VIPR2: variants seen among roughly 807,000 people sequenced by gnomAD.
VIPR2 encodes the protein vasoactive intestinal polypeptide receptor 2.
In VIPR2, 48 loss-of-function variants were observed where a neutral mutation model predicts 58.0. The ratio of observed to expected loss-of-function variants is 0.83; its 90% CI spans 0.66 to 1.05. The LOEUF (loss-of-function observed/expected upper bound fraction) is 1.05. Among genes scored for constraint, VIPR2 ranks in the 50% least tolerant of loss-of-function variants. The probability of loss-of-function intolerance (pLI) is 0.00; values close to 1 mark genes in which losing one functional copy is unlikely to be tolerated. For synonymous variants in VIPR2, 243 were observed against 235.2 expected (o/e 1.03, Z -0.30); for missense variants, 534 against 558.0 (o/e 0.96, Z 0.43).
chr7:159,075,609 C>T (rs1270607139), intron 4 of VIPR2, among the ~76,000 whole-genome samples: 2 of 151,814 alleles, frequency 1.3e-5, no homozygotes, highest in African/African-American at 4.8e-5. Context: ...AGGGCTGGCA[C>T]CCACGGACCT....
intron 5 of VIPR2, among the ~76,000 whole-genome samples, chr7:159,057,575 T>C (rs1855395160): frequency 6.6e-6 from 1 of 152,218 alleles, no homozygotes; most frequent in Admixed American, 6.5e-5. Flanking sequence ...TATCATTGAT[T>C]TTTATCTGAC....
chr7:159,106,705 C>CAGAG (rs199836579), intron 3 of VIPR2, among the ~76,000 whole-genome samples: 2 of 67,278 alleles, frequency 3.0e-5, no homozygotes, highest in Non-Finnish European at 5.6e-5. Context: ...CAGGGAGGGG[C>CAGAG]AGAGAGGCCA....
chr7:159,069,900 C>T (rs371877948), intron 4 of VIPR2, among the ~76,000 whole-genome samples: 98 of 152,280 alleles, frequency 6.4e-4, no homozygotes, highest in Middle Eastern at 3.4e-3. Flanking sequence ...ATTTTACTGT[C>T]TGTCGTTGGC....
intron 5 of VIPR2, among the ~76,000 whole-genome samples, chr7:159,050,355 AAAAAAAAAAAC>A (rs1854918595): frequency 3.5e-4 from 3 of 8,530 alleles, no homozygotes; most frequent in Non-Finnish European, 2.1e-3. Flanking sequence ...ACAAAAAAAC[AAAAAAAAAAAC>A]AAAAAAAAAC....
At chr7:159,067,776 G>C (rs1216178346) in intron 4 of VIPR2, among the ~76,000 whole-genome samples, 1 of 152,232 alleles carries the variant, frequency 6.6e-6, no homozygotes, top group African/African-American at 2.4e-5. Context: ...AGACCTTCAA[G>C]TTCTTTCCCC....
At position 159,031,785 on chromosome 7, in the gene VIPR2, A is replaced by G. The variant is rs778349292; in HGVS notation, c.1143+43T>C. 4 of 1,613,540 alleles carry G rather than the reference A, an allele frequency of 2.5e-6. No homozygotes were observed. The highest frequency in any genetic ancestry group is 1.7e-6 in the Non-Finnish European group (2 of 1,179,962). ...CAGGCTGGGCAGCATCTCAGGAAGC[A>G]AGTGAGTACCTGTGCTTGGTTCCAA... On this transcript the variant is annotated intron_variant, in intron 12 of 12. Coordinates refer to ENST00000262178, the MANE Select transcript of VIPR2 (RefSeq NM_003382.5). The surrounding 1 kb of genome is among the most constrained non-coding windows in gnomAD (Gnocchi z 4.0).
rs372032998 is a variant in VIPR2 at position 159,089,750 on chromosome 7, A to G, written c.357+14007T>C. Among the ~76,000 whole-genome samples, 24 of 152,356 alleles carry G rather than the reference A, an allele frequency of 1.6e-4. No homozygotes were observed. In the East Asian group the frequency reaches 2.7e-3, roughly 17 times the overall value. The stretch of plus-strand genomic sequence containing the variant: ...CCTGTCCCAATGTCACAAAAAGTGC[A>G]CGGGACCCTAACAACTAATACCTCA... On this transcript the variant is annotated intron_variant, in intron 4 of 12. Coordinates refer to ENST00000262178, the MANE Select transcript of VIPR2 (RefSeq NM_003382.5).
At chr7:159,036,984 A>T (rs912148786) in intron 6 of VIPR2, 82 bp from the exon 7 acceptor site, 2 of 1,500,466 alleles carry the variant, frequency 1.3e-6, no homozygotes, top group Non-Finnish European at 1.8e-6. Context: ...GCTCCAGGAC[A>T]CAGGGCGCTT....
At chr7:159,123,808 C>A (rs1259912856) in intron 2 of VIPR2, among the ~76,000 whole-genome samples, 1 of 152,088 alleles carries the variant, frequency 6.6e-6, no homozygotes, top group Non-Finnish European at 1.5e-5. Context: ...ATCTTGCCAG[C>A]ATCTGTTATT....
chr7:159,081,363 T>G (rs1341068798), intron 4 of VIPR2, among the ~76,000 whole-genome samples: 3 of 152,232 alleles, frequency 2.0e-5, no homozygotes, highest in East Asian at 3.9e-4. Context: ...AACAAGCAAT[T>G]GGGAAAGGAT....
intron 2 of VIPR2, chr7:159,116,795 G>A (rs1305761309): frequency 6.5e-6 from 1 of 153,128 alleles, no homozygotes; most frequent in African/African-American, 2.4e-5. Context: ...TCCAGCCAAA[G>A]GGGAGTGCGC....
At chr7:159,075,220 A>G (rs1271714037) in intron 4 of VIPR2, among the ~76,000 whole-genome samples, 1 of 152,234 alleles carries the variant, frequency 6.6e-6, no homozygotes, top group Non-Finnish European at 1.5e-5. Context: ...CCCTCAGCTC[A>G]GCTCAAAATC....
chr7:159,032,122 G>A (rs921733742), intron 10 of VIPR2, 55 bp from the exon 11 acceptor site: 2 of 1,604,324 alleles, frequency 1.2e-6, no homozygotes, highest in African/African-American at 1.3e-5. Flanking sequence ...CCCTCTGCAA[G>A]CCTGGCTGGG....
intron 4 of VIPR2, among the ~76,000 whole-genome samples, chr7:159,100,690 C>T (rs1431424056): frequency 6.6e-6 from 1 of 152,246 alleles, no homozygotes; most frequent in South Asian, 2.1e-4. Context: ...GGCCGTTCCC[C>T]TGACTGTTCT....
At chr7:159,135,163 C>G (rs1416257520) in intron 2 of VIPR2, among the ~76,000 whole-genome samples, 1 of 152,076 alleles carries the variant, frequency 6.6e-6, no homozygotes, top group Non-Finnish European at 1.5e-5. Context: ...GGGCCGGCTA[C>G]AGGGGCTCGC....
intron 10 of VIPR2, among the ~76,000 whole-genome samples, chr7:159,033,496 AT>A (rs1276625610): frequency 6.6e-6 from 1 of 152,208 alleles, no homozygotes; most frequent in Admixed American, 6.5e-5. Context: ...TTAAAAAAAA[AT>A]AAATTCTTGA....
chr7:159,084,433 C>A (rs773801353), intron 4 of VIPR2, among the ~76,000 whole-genome samples: 5 of 152,226 alleles, frequency 3.3e-5, no homozygotes, highest in Non-Finnish European at 7.3e-5. Flanking sequence ...GGGCCCCTGG[C>A]GCAGCATTTC....
chr7:159,031,717 A>T lies in VIPR2; in HGVS notation c.1143+111T>A. ...CAGAACTGTGGGGTCCCGGGCAGTA[A>T]CTCGAGCCCGCGGAAGACAGGCATG... is the stretch of plus-strand genomic sequence containing the variant. On this transcript the variant is annotated intron_variant, in intron 12 of 12. Coordinates refer to ENST00000262178, the MANE Select transcript of VIPR2 (RefSeq NM_003382.5). This position sits in a 1 kb window ranked among gnomAD's most constrained non-coding sequence, Gnocchi z 4.0. The T allele has an allele frequency of 6.3e-7, 1 of 1,583,102 alleles. No homozygotes were observed.
At chr7:159,080,345 A>G (rs1272696970) in intron 4 of VIPR2, among the ~76,000 whole-genome samples, 1 of 152,232 alleles carries the variant, frequency 6.6e-6, no homozygotes, top group African/African-American at 2.4e-5. Flanking sequence ...TCCAGCATAT[A>G]AACAGAACCA....
Sources: allele counts gnomAD v4.1 joint callset (sites outside exome capture counted in the v4.1 genomes callset), GRCh38; gene constraint gnomAD v4.1.1; non-coding constraint Gnocchi (gnomAD v3.1); transcripts MANE v1.5; gene names NCBI Gene and HGNC (gene_info 2026-07-23, HGNC 2026-07-21).